Variants in RORA observed in about 807,000 individuals in gnomAD.
The protein encoded by RORA is RAR related orphan receptor A.
In RORA, 7 loss-of-function variants were observed where a neutral mutation model predicts 69.5. That is an observed-to-expected ratio of 0.10 (90% CI 0.06 to 0.19). The LOEUF (loss-of-function observed/expected upper bound fraction) is 0.19, where lower values mean the gene tolerates loss of function less well. Ranked by LOEUF, RORA falls within the 10% of genes least tolerant of loss-of-function variation. The pLI is 1.00. For missense variants in RORA, 457 were observed against 663.0 expected (o/e 0.69, Z 3.41); for synonymous variants, 261 against 240.8 (o/e 1.08, Z -0.78).
At chr15:61,093,994 G>T (rs1595978885) in intron 1 of RORA, among the ~76,000 whole-genome samples, 1 of 152,180 alleles carries the variant, frequency 6.6e-6, no homozygotes, top group African/African-American at 2.4e-5. Context: ...GCACGTGATG[G>T]CCAGAGATAT....
intron 1 of RORA, among the ~76,000 whole-genome samples, chr15:60,980,597 C>T (rs1468904843): frequency 6.6e-6 from 1 of 151,998 alleles, no homozygotes; most frequent in African/African-American, 2.4e-5. Flanking sequence ...TCTTGAGTGT[C>T]AGTTTTGGTA....
At chr15:61,152,936 C>T (rs1478169172) in intron 1 of RORA, among the ~76,000 whole-genome samples, 1 of 152,108 alleles carries the variant, frequency 6.6e-6, no homozygotes, top group East Asian at 1.9e-4. Context: ...CATGGAGGTA[C>T]GGACAAAGCA....
In RORA at chr15:60,910,184, A is replaced by T. The variant is rs189427050; in HGVS notation, c.167-231498T>A. 3.7e-4 allele frequency among the ~76,000 whole-genome samples: 56 copies of T among 152,230 alleles called. No individual in the cohort carries two copies. In the East Asian group the frequency reaches 0.011, roughly 29 times the overall value. ...TAGGTTATTACCAACAAATGATTAC[A>T]CTCCAGGTTGTATTGAACAGAGTGA... On this transcript the variant is annotated intron_variant, in intron 1 of 10. Coordinates refer to ENST00000335670, the MANE Select transcript of RORA (RefSeq NM_134261.3).
chr15:61,118,698 C>T (rs1762701844), intron 1 of RORA, among the ~76,000 whole-genome samples: 1 of 152,062 alleles, frequency 6.6e-6, no homozygotes, highest in Non-Finnish European at 1.5e-5. Context: ...ATCGCGTTTT[C>T]CTTCTGTGAC....
intron 1 of RORA, among the ~76,000 whole-genome samples, chr15:60,906,890 G>A (rs745589467): frequency 2.6e-5 from 4 of 152,180 alleles, no homozygotes; most frequent in Non-Finnish European, 4.4e-5. Context: ...GCTAAGAGCT[G>A]TACATCTATA....
chr15:61,125,931 A>G (rs2079139083), intron 1 of RORA, among the ~76,000 whole-genome samples: 1 of 152,260 alleles, frequency 6.6e-6, no homozygotes, highest in Non-Finnish European at 1.5e-5. Flanking sequence ...TAGGATCCAG[A>G]AAAGCAAAAT....
At chr15:60,862,156 C>T (rs1030695970) in intron 1 of RORA, among the ~76,000 whole-genome samples, 3 of 152,190 alleles carry the variant, frequency 2.0e-5, no homozygotes, top group African/African-American at 7.2e-5. Context: ...CCACCTTTTT[C>T]CTCCTTTAGA....
chr15:60,489,521 T>G lies in RORA; in HGVS notation c.*7934A>C, dbSNP rs577018558. On this transcript the variant is annotated 3_prime_UTR_variant, in exon 11 of 11. Coordinates refer to ENST00000335670, the MANE Select transcript of RORA (RefSeq NM_134261.3). ...TCCTTAGTTAGATATTTGATAAACT[T>G]TGCTTTTCAATAATGCCAGTAGATC... 6.6e-6 allele frequency: 1 copy of G among 152,354 alleles called. No homozygotes were observed. Among genetic ancestry groups the G allele is most frequent in the South Asian group, 2.1e-4 (1 of 4,832 alleles). The allele number at this position is 152,354 out of a possible 1,614,324, so 9.4% of individuals were successfully genotyped here. A position where few individuals can be genotyped will look rare whatever the true frequency, so the allele number is the denominator to read the frequency against.
chr15:60,727,274 G>A (rs1365271927), intron 1 of RORA, among the ~76,000 whole-genome samples: 1 of 152,012 alleles, frequency 6.6e-6, no homozygotes, highest in Non-Finnish European at 1.5e-5. Flanking sequence ...GCTTCCCTGT[G>A]CTCGTTTTTA....
chr15:60,958,029 C>G (rs1052930026), intron 1 of RORA, among the ~76,000 whole-genome samples: 2 of 152,000 alleles, frequency 1.3e-5, no homozygotes, highest in African/African-American at 4.8e-5. Context: ...TTCAATGTCT[C>G]CTTTGAAATT....
At chr15:61,031,498 A>G (rs1181508480) in intron 1 of RORA, among the ~76,000 whole-genome samples, 1 of 152,154 alleles carries the variant, frequency 6.6e-6, no homozygotes, top group Non-Finnish European at 1.5e-5. Context: ...TTGTTGCTGA[A>G]GTTTTGTACT....
chr15:61,045,614 C>A (rs1896981239), intron 1 of RORA, among the ~76,000 whole-genome samples: 1 of 151,982 alleles, frequency 6.6e-6, no homozygotes, highest in South Asian at 2.1e-4. Flanking sequence ...AAGGGGTGTA[C>A]CAGGTATAGA....
chr15:60,503,522 G>A lies in RORA; in HGVS notation c.1075+13C>T. The stretch of plus-strand genomic sequence containing the variant: ...TAGGAAGAGATCTCAAAATTCACTT[G>A]CAAAGCACATACCTGCTTTTAGAAG... On this transcript the variant is annotated intron_variant, in intron 7 of 10. Transcript: ENST00000335670. 1 of 1,613,160 alleles carries A rather than the reference G, an allele frequency of 6.2e-7. No homozygotes were observed. Among genetic ancestry groups the A allele is most frequent in the Non-Finnish European group, 8.5e-7 (1 of 1,179,452 alleles).
intron 2 of RORA, among the ~76,000 whole-genome samples, chr15:60,597,549 A>ACAC (rs1335197252): frequency 1.3e-4 from 5 of 37,552 alleles, no homozygotes; most frequent in South Asian, 8.0e-4. Flanking sequence ...ACACACACAC[A>ACAC]ACATATATAT....
Position 60,914,955 on chromosome 15 carries a change from C to T in RORA, c.167-236269G>A, listed in dbSNP as rs376245448. Among the ~76,000 whole-genome samples, 27 of 152,284 alleles carry T rather than the reference C, an allele frequency of 1.8e-4. No individual in the cohort carries two copies. The East Asian group carries it at 5.0e-3, about 28-fold the overall frequency. On this transcript the variant is annotated intron_variant, in intron 1 of 10. Coordinates refer to ENST00000335670, the MANE Select transcript of RORA (RefSeq NM_134261.3). ...TGGGTATTGGGCCAAATGCTTCCAC[C>T]TTTCATTTCGGTACTCACAAGAAAT...
intron 3 of RORA, among the ~76,000 whole-genome samples, chr15:60,516,935 C>T (rs761475274): frequency 1.3e-5 from 2 of 151,776 alleles, no homozygotes; most frequent in Non-Finnish European, 2.9e-5. Context: ...AAAAATATAC[C>T]ATTGAATGTT....
At chr15:60,645,141 A>G (rs1011400822) in intron 2 of RORA, among the ~76,000 whole-genome samples, 1 of 152,140 alleles carries the variant, frequency 6.6e-6, no homozygotes, top group African/African-American at 2.4e-5. Flanking sequence ...CCGGTTTACA[A>G]AAATTCCATG....
intron 1 of RORA, chr15:61,196,032 G>C (rs577483583): frequency 6.6e-6 from 1 of 152,360 alleles, no homozygotes; most frequent in South Asian, 2.1e-4. Context: ...GAGCCTTAAA[G>C]AGACAAAATG....
chr15:61,212,548 C>T (rs773576823), intron 1 of RORA, among the ~76,000 whole-genome samples: 1 of 152,102 alleles, frequency 6.6e-6, no homozygotes, highest in African/African-American at 2.4e-5. Context: ...TACAAGTGCA[C>T]ACCTGGCTAA....
Sources: gnomAD v4.1 joint callset for allele counts (sites outside exome capture counted in the v4.1 genomes callset) on GRCh38, gnomAD v4.1.1 for gene constraint, MANE v1.5 for transcripts, NCBI Gene and HGNC (gene_info 2026-07-23, HGNC 2026-07-21) for gene names.